DNM1L: variants seen among roughly 807,000 people sequenced by gnomAD.
DNM1L encodes the protein dynamin 1L, also known as dynamin-1-like protein.
DNM1L carries 33 observed loss-of-function variants against 92.8 expected under a neutral mutation model. That is an observed-to-expected ratio of 0.36 (90% CI 0.27 to 0.48). The LOEUF is 0.48. DNM1L is among the 20% of genes least tolerant of loss of function. The probability of loss-of-function intolerance (pLI) is 0.99; values close to 1 mark genes in which losing one functional copy is unlikely to be tolerated. For synonymous variants in DNM1L, 284 were observed against 305.0 expected (o/e 0.93, Z 0.72); for missense variants, 485 against 888.8 (o/e 0.55, Z 5.78).
chr12:32,726,628 T>C, intron 9 of DNM1L: 2 of 924,128 alleles, frequency 2.2e-6, no homozygotes, highest in Non-Finnish European at 3.4e-6. Context: ...AGATCTCCAC[T>C]CTCAGGAACT....
At chr12:32,699,796 C>CAAAAAAAAAAAAAAAAAAA (rs34943495) in intron 1 of DNM1L, among the ~76,000 whole-genome samples, 2 of 73,594 alleles carry the variant, frequency 2.7e-5, no homozygotes, top group Non-Finnish European at 5.7e-5. Context: ...GACTCCATCT[C>CAAAAAAAAAAAAAAAAAAA]AAAAAAAAAA....
chr12:32,695,753 C>T (rs778396067), intron 1 of DNM1L, among the ~76,000 whole-genome samples: 6 of 151,956 alleles, frequency 3.9e-5, no homozygotes, highest in Non-Finnish European at 7.4e-5. Flanking sequence ...GCCTGGGCAA[C>T]AGAGTGAGAC....
At position 32,741,926 on chromosome 12, in the gene DNM1L, G is replaced by A. The variant is rs543608209; in HGVS notation, c.1995-663G>A. 1.4e-4 allele frequency among the ~76,000 whole-genome samples: 21 copies of A among 152,176 alleles called. No homozygotes were observed. In the South Asian group the frequency reaches 3.7e-3, roughly 27 times the overall value. ...ATAATGCATTTCTCAAAGCATATCC[G>A]TGTCATTAAGTGACATATCTTTTGT... is the stretch of plus-strand genomic sequence containing the variant. On this transcript the variant is annotated intron_variant, in intron 18 of 19. Coordinates refer to ENST00000549701, the MANE Select transcript of DNM1L (RefSeq NM_012062.5).
chr12:32,738,659 C>T (rs1955075869), intron 16 of DNM1L, among the ~76,000 whole-genome samples: 1 of 151,980 alleles, frequency 6.6e-6, no homozygotes, highest in Admixed American at 6.6e-5. Context: ...CTTTCTTATG[C>T]TTCCAGTTAG....
intron 15 of DNM1L, 28 bp downstream of exon 15, chr12:32,737,970 G>C: frequency 6.2e-7 from 1 of 1,606,420 alleles, no homozygotes; most frequent in Non-Finnish European, 8.5e-7. Flanking sequence ...ATCTAAGCCT[G>C]CATGCCTTGT....
chr12:32,723,782 A>G (rs1267543831), intron 9 of DNM1L, among the ~76,000 whole-genome samples: 1 of 152,134 alleles, frequency 6.6e-6, no homozygotes, highest in Non-Finnish European at 1.5e-5. Flanking sequence ...AAAACAAACA[A>G]AAAAACAGAG....
intron 1 of DNM1L, among the ~76,000 whole-genome samples, chr12:32,689,423 A>G (rs894747661): frequency 7.9e-5 from 12 of 152,128 alleles, no homozygotes; most frequent in African/African-American, 2.9e-4. Flanking sequence ...TCTCAACCTC[A>G]GGTGATCTGC....
At chr12:32,706,551 T>C (rs1952935202) in intron 2 of DNM1L, 2 of 362,666 alleles carry the variant, frequency 5.5e-6, no homozygotes, top group Non-Finnish European at 1.1e-5. Context: ...CAACAGTGAA[T>C]CTATTTTCCT....
At chr12:32,708,310 T>C in intron 4 of DNM1L, 86 bp downstream of exon 4, 1 of 873,116 alleles carries the variant, frequency 1.1e-6, no homozygotes, top group East Asian at 2.5e-5. Flanking sequence ...AAGGGCATTG[T>C]AAATTCCTAC....
At chr12:32,737,262 C>T in intron 14 of DNM1L, 101 bp downstream of exon 14, 1 of 1,193,104 alleles carries the variant, frequency 8.4e-7, no homozygotes, top group Non-Finnish European at 1.2e-6. Flanking sequence ...TCTTTTCCTC[C>T]CTTTAACACT....
At chr12:32,690,249 T>C (rs1317830143) in intron 1 of DNM1L, among the ~76,000 whole-genome samples, 4 of 152,266 alleles carry the variant, frequency 2.6e-5, no homozygotes, top group African/African-American at 9.6e-5. Flanking sequence ...CTGTGTGTGT[T>C]GACACATACA....
At chr12:32,696,600 TAA>T (rs5797485) in intron 1 of DNM1L, among the ~76,000 whole-genome samples, 21,226 of 141,102 alleles carry the variant, frequency 0.15, 1,549 homozygotes, top group Middle Eastern at 0.21. Context: ...ACAGTGTCTC[TAA>T]AAAAAAAAAA....
intron 1 of DNM1L, among the ~76,000 whole-genome samples, chr12:32,686,935 T>G (rs1952034757): frequency 9.7e-6 from 1 of 103,566 alleles, no homozygotes; most frequent in African/African-American, 4.8e-5. Flanking sequence ...GTTCTTTTTT[T>G]TCTTTTTTTT....
At chr12:32,724,322 A>G (rs1221857894) in intron 9 of DNM1L, among the ~76,000 whole-genome samples, 1 of 152,096 alleles carries the variant, frequency 6.6e-6, no homozygotes, top group African/African-American at 2.4e-5. Flanking sequence ...TCACGCCTGT[A>G]ATCCCAGCAC....
At chr12:32,698,741 A>G (rs1952572426) in intron 1 of DNM1L, among the ~76,000 whole-genome samples, 1 of 152,226 alleles carries the variant, frequency 6.6e-6, no homozygotes. Flanking sequence ...CAAATTTAGA[A>G]ATTTTTAAAA....
intron 1 of DNM1L, among the ~76,000 whole-genome samples, chr12:32,691,099 G>A (rs922829321): frequency 6.6e-6 from 1 of 152,166 alleles, no homozygotes; most frequent in Non-Finnish European, 1.5e-5. Flanking sequence ...AGATCAAAGT[G>A]TCAGCAGGTT....
chr12:32,738,482 A>T (rs1955058543), intron 16 of DNM1L, among the ~76,000 whole-genome samples, 186 bp downstream of exon 16: 1 of 152,192 alleles, frequency 6.6e-6, no homozygotes, highest in Non-Finnish European at 1.5e-5. Flanking sequence ...AGTAACAATA[A>T]TAGGCTTTCT....
intron 6 of DNM1L, among the ~76,000 whole-genome samples, chr12:32,717,684 GAT>G (rs1221188435): frequency 1.2e-5 from 1 of 80,042 alleles, no homozygotes; most frequent in South Asian, 3.6e-4. Flanking sequence ...TACCTAGGTA[GAT>G]ATATATATAA....
intron 12 of DNM1L, chr12:32,732,491 T>C (rs907107069): frequency 2.6e-5 from 12 of 455,494 alleles, no homozygotes; most frequent in Non-Finnish European, 4.9e-5. Context: ...TGCCTCTAAT[T>C]GTTGGCTGGG....
Sources: gnomAD v4.1 joint callset for allele counts (sites outside exome capture counted in the v4.1 genomes callset) on GRCh38, gnomAD v4.1.1 for gene constraint, MANE v1.5 for transcripts, NCBI Gene and HGNC (gene_info 2026-07-23, HGNC 2026-07-21) for gene names.